ST13: variants seen among roughly 807,000 people sequenced by gnomAD.
The protein encoded by ST13 is ST13 Hsp70 interacting protein, also known as hsc70-interacting protein.
In ST13, 23 loss-of-function variants were observed where a neutral mutation model predicts 56.7. The observed-to-expected ratio is 0.41, with a 90% CI of 0.29 to 0.57. The LOEUF (loss-of-function observed/expected upper bound fraction) is 0.57, where lower values mean the gene tolerates loss of function less well. Among genes scored for constraint, ST13 ranks in the 20% least tolerant of loss-of-function variants. The pLI is 0.36. For synonymous variants in ST13, 132 were observed against 142.4 expected (o/e 0.93, Z 0.52); for missense variants, 369 against 459.9 (o/e 0.80, Z 1.81).
At chr22:40,849,080 C>T (rs535324072) in intron 2 of ST13, among the ~76,000 whole-genome samples, 6 of 152,274 alleles carry the variant, frequency 3.9e-5, no homozygotes, top group South Asian at 2.1e-4. Context: ...CATTTAACAA[C>T]GCTGTGTATC....
At position 40,826,458 on chromosome 22, in the gene ST13, C is replaced by G. The variant is rs12373983; in HGVS notation, c.*80G>C. The G allele has an allele frequency of 6.8e-7, 1 of 1,470,978 alleles. No individual in the cohort carries two copies. The highest frequency in any genetic ancestry group is 9.2e-7 in the Non-Finnish European group (1 of 1,084,622). 91.1% of individuals were successfully genotyped at this position (1,470,978 alleles called of 1,614,324 possible). A position where few individuals can be genotyped will look rare whatever the true frequency, so the allele number is the denominator to read the frequency against. ...TCTTGATGAGAAGGTCAGAGGTACA[C>G]TGGTTTGTATTATTGCGACATCCAT... On this transcript the variant is annotated 3_prime_UTR_variant, in exon 12 of 12. Transcript: ENST00000216218.
intron 9 of ST13, among the ~76,000 whole-genome samples, chr22:40,830,068 T>C (rs553825659): frequency 1.3e-5 from 2 of 152,340 alleles, no homozygotes; most frequent in Admixed American, 6.5e-5. Context: ...AATACAAATG[T>C]AGATTTATTG....
At chr22:40,829,810 A>AG in intron 9 of ST13, 136 bp from the exon 10 acceptor site, 1 of 416,136 alleles carries the variant, frequency 2.4e-6, no homozygotes, top group African/African-American at 2.1e-5. Context: ...GATATACTTC[A>AG]TACCCCCTTC....
chr22:40,835,722 GATC>G (rs937595167), intron 6 of ST13, 52 bp from the exon 7 acceptor site: 1 of 1,595,730 alleles, frequency 6.3e-7, no homozygotes, highest in Non-Finnish European at 8.6e-7. Flanking sequence ...AAAGTTTTGG[GATC>G]AACACAGAAG....
intron 8 of ST13, among the ~76,000 whole-genome samples, chr22:40,831,863 T>C (rs1230334070): frequency 2.0e-5 from 3 of 152,166 alleles, no homozygotes; most frequent in Non-Finnish European, 1.5e-5. Context: ...GAAACTTCTT[T>C]GTTTTATTAA....
At chr22:40,844,431 G>A (rs1258135697) in intron 4 of ST13, among the ~76,000 whole-genome samples, 1 of 151,892 alleles carries the variant, frequency 6.6e-6, no homozygotes, top group Non-Finnish European at 1.5e-5. Context: ...GTCTTTGGAG[G>A]ACCACTAACC....
chr22:40,835,377 CT>C (rs574474442), intron 7 of ST13, 182 bp downstream of exon 7: 1,286 of 429,824 alleles, frequency 3.0e-3, no homozygotes, highest in African/African-American at 4.0e-3. Flanking sequence ...TTTTAAATTT[CT>C]TTTTTTTTTC....
chr22:40,835,092 T>C (rs2034155893), intron 7 of ST13, among the ~76,000 whole-genome samples: 1 of 152,230 alleles, frequency 6.6e-6, no homozygotes, highest in Admixed American at 6.5e-5. Context: ...ATTTTTCAGG[T>C]GGCCTAGCAG....
intron 1 of ST13, among the ~76,000 whole-genome samples, chr22:40,851,291 C>A (rs778497281): frequency 6.6e-6 from 1 of 152,142 alleles, no homozygotes; most frequent in Non-Finnish European, 1.5e-5. Context: ...TTCAAATATG[C>A]AGTTTATGAA....
intron 3 of ST13, among the ~76,000 whole-genome samples, chr22:40,847,264 T>C (rs578224841): frequency 1.5e-4 from 19 of 129,326 alleles, no homozygotes; most frequent in Non-Finnish European, 2.9e-4. Context: ...CTGGGCATGG[T>C]GGCTCACATC....
intron 8 of ST13, 67 bp downstream of exon 8, chr22:40,832,502 C>T (rs753577930): frequency 1.1e-4 from 121 of 1,139,972 alleles, no homozygotes; most frequent in Non-Finnish European, 1.4e-4. Flanking sequence ...TTACAGCTGT[C>T]GGGGGCTAAG....
chr22:40,830,460 G>A (rs1010851565), intron 9 of ST13, among the ~76,000 whole-genome samples: 17 of 152,110 alleles, frequency 1.1e-4, no homozygotes, highest in African/African-American at 4.1e-4. Context: ...TGCCCTGCTA[G>A]AATCATTTTT....
At chr22:40,839,029 A>G (rs1236926556) in intron 5 of ST13, among the ~76,000 whole-genome samples, 1 of 152,184 alleles carries the variant, frequency 6.6e-6, no homozygotes, top group African/African-American at 2.4e-5. Context: ...GATCTTAAAT[A>G]TATATGCAAA....
intron 1 of ST13, among the ~76,000 whole-genome samples, chr22:40,855,084 G>A (rs536342618): frequency 1.3e-5 from 2 of 152,294 alleles, no homozygotes; most frequent in African/African-American, 4.8e-5. Context: ...AGATTGTAAC[G>A]AGTTTTTTCC....
At chr22:40,849,983 G>C (rs953305180) in intron 2 of ST13, among the ~76,000 whole-genome samples, 2 of 151,990 alleles carry the variant, frequency 1.3e-5, no homozygotes, top group African/African-American at 4.8e-5. Context: ...AAGCATTCTG[G>C]GCCAGGCATG....
chr22:40,837,085 G>A (rs1192359561), intron 5 of ST13, among the ~76,000 whole-genome samples: 2 of 152,116 alleles, frequency 1.3e-5, no homozygotes, highest in African/African-American at 4.8e-5. Flanking sequence ...TGAGTAGCTG[G>A]GATTACCACT....
chr22:40,828,288 A>G (rs2057737857), intron 10 of ST13, among the ~76,000 whole-genome samples: 1 of 152,172 alleles, frequency 6.6e-6, no homozygotes, highest in Admixed American at 6.5e-5. Flanking sequence ...TACTGGAGAT[A>G]TTCTAAAATT....
At chr22:40,855,184 A>C (rs996491835) in intron 1 of ST13, among the ~76,000 whole-genome samples, 97 of 152,220 alleles carry the variant, frequency 6.4e-4, no homozygotes, top group African/African-American at 2.3e-3. Context: ...CGCTGGGTGA[A>C]GTGGCTCACG....
chr22:40,844,763 G>A (rs1416356496), intron 4 of ST13, 76 bp downstream of exon 4: 11 of 1,221,936 alleles, frequency 9.0e-6, no homozygotes, highest in Middle Eastern at 1.9e-4. Flanking sequence ...TGGAAGAATC[G>A]TGTCATAAAA....
Sources: gnomAD v4.1 joint callset for allele counts (sites outside exome capture counted in the v4.1 genomes callset) on GRCh38, gnomAD v4.1.1 for gene constraint, MANE v1.5 for transcripts, NCBI Gene and HGNC (gene_info 2026-07-23, HGNC 2026-07-21) for gene names.